Variants in MAGED1 observed in about 807,000 individuals in gnomAD.
MAGED1 encodes the protein melanoma-associated antigen D1.
MAGED1 carries 3 observed loss-of-function variants against 54.1 expected under a neutral mutation model. The ratio of observed to expected loss-of-function variants is 0.06; its 90% CI spans 0.03 to 0.14. MAGED1 has a LOEUF of 0.14. Ranked by LOEUF, MAGED1 falls within the 10% of genes least tolerant of loss-of-function variation. The pLI, the probability that MAGED1 is intolerant of heterozygous loss-of-function variation, is 1.00. For synonymous variants in MAGED1, 217 were observed against 227.3 expected (o/e 0.95, Z 0.41); for missense variants, 485 against 623.4 (o/e 0.78, Z 2.36).
chrX:51,902,025 T>C, intron 12 of MAGED1, 87 bp downstream of exon 12: 1 of 976,911 alleles, frequency 1.0e-6, no homozygotes, highest in Non-Finnish European at 1.4e-6. Flanking sequence ...GAGCTAGAAG[T>C]ATTAGGAAAC....
chrX:51,863,560 T>C (rs1557360847), intron 1 of MAGED1, among the ~76,000 whole-genome samples: 1 of 112,032 alleles, frequency 8.9e-6, no homozygotes, highest in African/African-American at 3.2e-5. Context: ...CCATACTGTT[T>C]CTGCTAGTGA....
intron 1 of MAGED1, among the ~76,000 whole-genome samples, chrX:51,809,408 G>C (rs987400414): frequency 9.0e-6 from 1 of 111,623 alleles, no homozygotes; most frequent in Admixed American, 9.5e-5. Context: ...GTGAGCCACC[G>C]CGCCCGGCCC....
At chrX:51,898,420 G>C (rs782529572) in intron 9 of MAGED1, 93 bp downstream of exon 9, 1 of 1,085,708 alleles carries the variant, frequency 9.2e-7, no homozygotes, top group Non-Finnish European at 1.3e-6. Context: ...GGGTCTGGAG[G>C]GTTTGGTTTG....
rs782215243 is a variant in MAGED1 at position 51,898,321 on chromosome X, G to A, written c.1775G>A (p.Arg592His). The change falls in exon 9 of 13, where the codon CGT becomes CAT. Residue 592 changes from arginine (R) to histidine (H), a missense_variant. Around this residue, in one of 2 missense-constraint regions of MAGED1, gnomAD observed 186 missense variants for 330.3 expected, o/e 0.56. Coordinates refer to ENST00000326587, the MANE Select transcript of MAGED1 (RefSeq NM_006986.4). ...LWEALRKMGL[R>H]PGVRHPLLGD... ...GAGGCACTACGCAAGATGGGACTGC[G>A]TCCTGGGTATGATTGGGCTCTCTCA... 5.8e-6 allele frequency: 7 copies of A among 1,209,120 alleles called. No individual in the cohort carries two copies. The highest frequency in any genetic ancestry group is 3.5e-5 in the African/African-American group (2 of 56,999).
At chrX:51,847,204 G>A (rs1221529362) in intron 1 of MAGED1, among the ~76,000 whole-genome samples, 1 of 111,431 alleles carries the variant, frequency 9.0e-6, no homozygotes, top group Non-Finnish European at 1.9e-5. Flanking sequence ...TACACCTTCA[G>A]CTCACTCTCA....
At chrX:51,815,548 G>A (rs1925384898) in intron 1 of MAGED1, among the ~76,000 whole-genome samples, 1 of 107,946 alleles carries the variant, frequency 9.3e-6, no homozygotes, top group Non-Finnish European at 1.9e-5. Context: ...TTAAGATGGA[G>A]TTTTGCTTTT....
chrX:51,860,309 A>G (rs782150260), intron 1 of MAGED1, among the ~76,000 whole-genome samples: 2 of 112,041 alleles, frequency 1.8e-5, no homozygotes, highest in Admixed American at 9.5e-5. Flanking sequence ...ATTGGAAAAG[A>G]GAACTGGGTG....
At chrX:51,883,859 A>G (rs1166771502) in intron 1 of MAGED1, among the ~76,000 whole-genome samples, 13 of 112,084 alleles carry the variant, frequency 1.2e-4, no homozygotes, top group African/African-American at 4.2e-4. Context: ...TTTAAAAAAC[A>G]AACCTCAGTA....
intron 1 of MAGED1, among the ~76,000 whole-genome samples, chrX:51,864,959 T>C (rs1432865018): frequency 8.9e-6 from 1 of 112,071 alleles, no homozygotes; most frequent in East Asian, 2.8e-4. Flanking sequence ...TCTTGACTAA[T>C]TGCTCTGGTT....
intron 1 of MAGED1, among the ~76,000 whole-genome samples, chrX:51,841,027 T>G (rs1228757296): frequency 9.1e-6 from 1 of 109,341 alleles, no homozygotes; most frequent in Non-Finnish European, 1.9e-5. Flanking sequence ...TCCACAATGG[T>G]TGAACTAGTT....
At position 51,816,341 on chromosome X, in the gene MAGED1, T is replaced by G. The variant is rs782628064; in HGVS notation, c.-37+13224T>G. Among the ~76,000 whole-genome samples, 4 of 111,030 alleles carry G rather than the reference T, an allele frequency of 3.6e-5. No homozygotes were observed. The East Asian group carries it at 1.1e-3, about 31-fold the overall frequency. On this transcript the variant is annotated intron_variant, in intron 1 of 12. Transcript: ENST00000375772. ...TGTTGGCCAGGCTGGTCTCGAACTC[T>G]TGGCCTCAAGTGATCTGCCTGCCTG...
intron 1 of MAGED1, among the ~76,000 whole-genome samples, chrX:51,837,449 G>A (rs1180225818): frequency 8.9e-6 from 1 of 111,764 alleles, no homozygotes; most frequent in Non-Finnish European, 1.9e-5. Context: ...AGGGATGATA[G>A]CAGTGATTCC....
chrX:51,885,183 A>C (rs1557362742), intron 1 of MAGED1, among the ~76,000 whole-genome samples: 3 of 111,798 alleles, frequency 2.7e-5, no homozygotes, highest in Non-Finnish European at 5.7e-5. Context: ...TTTACATTCC[A>C]AAAAAAATGT....
intron 1 of MAGED1, among the ~76,000 whole-genome samples, chrX:51,853,372 T>TTCAAGGC (rs1246941049): frequency 8.9e-6 from 1 of 112,455 alleles, no homozygotes; most frequent in Non-Finnish European, 1.9e-5. Flanking sequence ...CTTTATCTAA[T>TTCAAGGC]TCAAGGCTCA....
chrX:51,894,409 G>T, intron 2 of MAGED1, 60 bp downstream of exon 2: 1 of 1,072,004 alleles, frequency 9.3e-7, no homozygotes, highest in Non-Finnish European at 1.3e-6. Flanking sequence ...CTCCCCGCGG[G>T]CCTCTTTGGT....
At chrX:51,831,163 G>C (rs1926051627) in intron 1 of MAGED1, among the ~76,000 whole-genome samples, 1 of 112,189 alleles carries the variant, frequency 8.9e-6, no homozygotes, top group African/African-American at 3.2e-5. Context: ...GGCCTTCTTG[G>C]TGTTTTATAT....
chrX:51,869,398 C>T (rs1264564817), intron 1 of MAGED1, among the ~76,000 whole-genome samples: 1 of 111,125 alleles, frequency 9.0e-6, no homozygotes, highest in Non-Finnish European at 1.9e-5. Flanking sequence ...AGACAGTGTA[C>T]ATGTTAGTGG....
At chrX:51,850,244 T>A (rs1249521594) in intron 1 of MAGED1, among the ~76,000 whole-genome samples, 1 of 111,583 alleles carries the variant, frequency 9.0e-6, no homozygotes, top group Non-Finnish European at 1.9e-5. Context: ...TTTAAGCACC[T>A]GAGGAGGCTC....
intron 7 of MAGED1, 66 bp from the exon 8 acceptor site, chrX:51,898,048 G>C: frequency 9.6e-7 from 1 of 1,044,911 alleles, no homozygotes. Context: ...AGGCTAGATG[G>C]GCAAGCTGGT....
Sources: gnomAD v4.1 joint callset for allele counts (sites outside exome capture counted in the v4.1 genomes callset) on GRCh38, gnomAD v4.1.1 for gene constraint, gnomAD v4.1.1 regional missense constraint, MANE v1.5 for transcripts, NCBI Gene and HGNC (gene_info 2026-07-23, HGNC 2026-07-21) for gene names.